CACNA1I: variants seen among roughly 807,000 people sequenced by gnomAD.
CACNA1I encodes voltage-dependent T-type calcium channel subunit alpha-1I.
CACNA1I carries 74 observed loss-of-function variants against 201.6 expected under a neutral mutation model. That is an observed-to-expected ratio of 0.37 (90% CI 0.30 to 0.45). CACNA1I has a LOEUF of 0.45. CACNA1I is among the 20% of genes least tolerant of loss of function. The pLI is 1.00. For missense variants in CACNA1I, 2,346 were observed against 3,138.1 expected (o/e 0.75, Z 6.03); for synonymous variants, 1,431 against 1,345.2 (o/e 1.06, Z -1.40).
At position 39,665,507 on chromosome 22, in the gene CACNA1I, C is replaced by T. The variant is rs1935159675; in HGVS notation, c.3861C>T (p.Ser1287=). The T allele has an allele frequency of 4.3e-6, 7 of 1,613,542 alleles. No homozygotes were observed. Among genetic ancestry groups the T allele is most frequent in the Admixed American group, 1.7e-5 (1 of 59,992 alleles). ...LRTLRPLRVI[S]RAPGLKLVVE... is the part of the protein sequence containing the mutation. ...CTCTCCCTGCCGTCAGTGTCATCAGCCGGGCGCCGGGCCTGAAGCTGGTGG... is the reference window on the plus strand; with the variant it reads ...CTCTCCCTGCCGTCAGTGTCATCAGTCGGGCGCCGGGCCTGAAGCTGGTGG... The change falls in exon 22 of 37, where the codon AGC becomes AGT. Residue 1287 remains serine, a synonymous_variant. Transcript: ENST00000402142. The surrounding 1 kb of genome is among the most constrained non-coding windows in gnomAD (Gnocchi z 5.5).
chr22:39,578,622 G>T (rs1286512956), intron 1 of CACNA1I, among the ~76,000 whole-genome samples: 1 of 151,754 alleles, frequency 6.6e-6, no homozygotes, highest in Non-Finnish European at 1.5e-5. Flanking sequence ...CTCCTTGGGG[G>T]TTTGTCTGCT....
At position 39,659,121 on chromosome 22, in the gene CACNA1I, G is replaced by C. The variant is rs1264411329; in HGVS notation, c.2330+5G>C. The C allele has an allele frequency of 6.2e-7, 1 of 1,611,796 alleles. No individual in the cohort carries two copies. The highest frequency in any genetic ancestry group is 1.7e-5 in the Admixed American group (1 of 59,806). ...GCTCTTCATCTTCATCTTCAGGTGA[G>C]CCTGCCCTGCTGGGGGCCATACCTC... is the stretch of plus-strand genomic sequence containing the variant. On this transcript the variant is annotated splice_donor_5th_base_variant and intron_variant, in intron 12 of 36. Coordinates refer to ENST00000402142, the MANE Select transcript of CACNA1I (RefSeq NM_021096.4). This position sits in a 1 kb window ranked among gnomAD's most constrained non-coding sequence, Gnocchi z 4.3.
At chr22:39,657,429 T>C (rs958128990) in intron 10 of CACNA1I, among the ~76,000 whole-genome samples, 2 of 152,126 alleles carry the variant, frequency 1.3e-5, no homozygotes, top group African/African-American at 4.8e-5. Flanking sequence ...GTGCCTGGCA[T>C]GCAGCAGGTA....
Position 39,679,336 on chromosome 22 carries a change from C to T in CACNA1I, c.5285C>T (p.Pro1762Leu), listed in dbSNP as rs59504308. ...ATGGCCCATGGCCTGGGCCCTGGCC[C>T]GAGGCTGCCTACCGGCTCCCCGGGC... ...LEMAHGLGPGPRLPTGSPGAP... is the reference protein window; with the variant it reads ...LEMAHGLGPGLRLPTGSPGAP... Residue 1762 changes from proline (P) to leucine (L), a missense_variant, in exon 32 of 37, where the codon CCG (proline) becomes CTG (leucine). By Grantham distance (98) the Pro-to-Leu change is moderately conservative. This residue lies in a region of CACNA1I where 441 missense variants were observed against 555.6 expected (regional missense o/e 0.79). Coordinates refer to ENST00000402142, the MANE Select transcript of CACNA1I (RefSeq NM_021096.4). 33,269 of 1,546,672 alleles carry T rather than the reference C, an allele frequency of 0.022. 448 individuals carry two copies. Among genetic ancestry groups the T allele is most frequent in the Non-Finnish European group, 0.025 (28,260 of 1,146,272 alleles).
At chr22:39,679,952 G>C in intron 33 of CACNA1I, 84 bp downstream of exon 33, 1 of 1,406,378 alleles carries the variant, frequency 7.1e-7, no homozygotes, top group Non-Finnish European at 9.7e-7. Context: ...GCAGAGCCTG[G>C]CTCTGGGCTG....
chr22:39,576,054 G>C (rs562535696), intron 1 of CACNA1I, among the ~76,000 whole-genome samples: 5 of 152,164 alleles, frequency 3.3e-5, no homozygotes, highest in African/African-American at 1.2e-4. Context: ...GGATTACAGG[G>C]GTGAGCCAAT....
intron 34 of CACNA1I, among the ~76,000 whole-genome samples, chr22:39,681,602 A>G (rs1935709667): frequency 6.6e-6 from 1 of 152,032 alleles, no homozygotes; most frequent in Non-Finnish European, 1.5e-5. Context: ...AAGCCACCCC[A>G]GGGGGTCAGT....
At chr22:39,671,455 A>G (rs946749561) in intron 26 of CACNA1I, among the ~76,000 whole-genome samples, 2 of 152,160 alleles carry the variant, frequency 1.3e-5, no homozygotes, top group Non-Finnish European at 2.9e-5. Context: ...AGCCTCCTTT[A>G]CTACCTGGGT....
At position 39,684,770 on chromosome 22, in the gene CACNA1I, C is replaced by T; in HGVS notation, c.6027+272C>T. ...TCTGGAAGAGGCCTGTGATCCCTAG[C>T]TTGAGGGGAGGGGAGGAGAGGAGGA... On this transcript the variant is annotated intron_variant, in intron 36 of 36. Transcript: ENST00000402142. This position sits in a 1 kb window ranked among gnomAD's most constrained non-coding sequence, Gnocchi z 4.6. 1.7e-6 allele frequency: 1 copy of T among 591,100 alleles called. No homozygotes were observed. The highest frequency in any genetic ancestry group is 2.8e-5 in the East Asian group (1 of 36,002). 36.6% of individuals were successfully genotyped at this position (591,100 alleles called of 1,614,324 possible).
At chr22:39,638,556 A>AT (rs1460061204) in intron 5 of CACNA1I, among the ~76,000 whole-genome samples, 4 of 151,812 alleles carry the variant, frequency 2.6e-5, no homozygotes, top group African/African-American at 9.7e-5. Context: ...TGATCTCATT[A>AT]TTTTTTGTTT....
chr22:39,662,201 G>A lies in CACNA1I; in HGVS notation c.3138G>A (p.Leu1046=), dbSNP rs1254968063. The A allele has an allele frequency of 1.4e-5, 21 of 1,528,948 alleles. No individual in the cohort carries two copies. Among genetic ancestry groups the A allele is most frequent in the East Asian group, 5.2e-5 (2 of 38,386 alleles). 94.7% of individuals were successfully genotyped at this position (1,528,948 alleles called of 1,614,324 possible). A position where few individuals can be genotyped will look rare whatever the true frequency, so the allele number is the denominator to read the frequency against. Residue 1046 remains leucine, a synonymous_variant, in exon 17 of 37, where the codon CTG becomes CTA. Transcript: ENST00000402142. ...HAHHIHHGPH[L]AHRHRHHRRT... is the part of the protein sequence containing the mutation. ...ACCACATTCATCACGGGCCCCATCT[G>A]GCGCACCGCCACCGCCACCACCGCC...
At chr22:39,668,598 A>AC (rs984708584) in intron 24 of CACNA1I, among the ~76,000 whole-genome samples, 5 of 150,014 alleles carry the variant, frequency 3.3e-5, no homozygotes, top group South Asian at 2.1e-4. Context: ...GCTTTGGCAA[A>AC]CCCCCCCACT....
intron 15 of CACNA1I, among the ~76,000 whole-genome samples, chr22:39,660,872 A>G (rs890740683): frequency 6.6e-6 from 1 of 152,048 alleles, no homozygotes; most frequent in Non-Finnish European, 1.5e-5. Context: ...GCTGGTTCTG[A>G]GCACAGAAGG....
intron 1 of CACNA1I, among the ~76,000 whole-genome samples, chr22:39,585,355 G>T (rs1238808289): frequency 6.7e-6 from 1 of 149,350 alleles, no homozygotes; most frequent in Non-Finnish European, 1.5e-5. Flanking sequence ...GAGCCACTGG[G>T]CCCGGGCTTT....
chr22:39,638,076 G>A (rs1217013233), intron 5 of CACNA1I, among the ~76,000 whole-genome samples: 1 of 152,270 alleles, frequency 6.6e-6, no homozygotes, highest in Admixed American at 6.5e-5. Context: ...TGGGATTACA[G>A]ACGCATGCCA....
At chr22:39,647,030 TC>T in intron 8 of CACNA1I, 149 bp downstream of exon 8, 1 of 1,277,444 alleles carries the variant, frequency 7.8e-7, no homozygotes, top group Non-Finnish European at 1.0e-6. Context: ...GGGACCTCTG[TC>T]CCCACCTCTG....
chr22:39,662,724 C>T lies in CACNA1I; in HGVS notation c.3373-52C>T, dbSNP rs2146451549. The T allele has an allele frequency of 7.6e-6, 10 of 1,324,324 alleles. No individual in the cohort carries two copies. In the South Asian group the frequency reaches 1.1e-4, roughly 15 times the overall value. The allele number at this position is 1,324,324 out of a possible 1,614,324, so 82.0% of individuals were successfully genotyped here. ...GGCGCGATGGCCGCATGGGCGGAGA[C>T]CGGCAACCCTGCGCATCGCTGACCC... is the stretch of plus-strand genomic sequence containing the variant. On this transcript the variant is annotated intron_variant, in intron 17 of 36. Coordinates refer to ENST00000402142, the MANE Select transcript of CACNA1I (RefSeq NM_021096.4).
chr22:39,625,731 T>C (rs1933881962), intron 4 of CACNA1I, among the ~76,000 whole-genome samples: 3 of 150,970 alleles, frequency 2.0e-5, no homozygotes, highest in Admixed American at 6.6e-5. Context: ...AAATTAGGAG[T>C]TGGGAGTCTG....
At chr22:39,682,916 G>A (rs1466640583) in intron 35 of CACNA1I, among the ~76,000 whole-genome samples, 2 of 152,246 alleles carry the variant, frequency 1.3e-5, no homozygotes, top group East Asian at 3.9e-4. Context: ...GAAGCTTCAT[G>A]CTGAGCTTCC....
Sources: allele counts gnomAD v4.1 joint callset (sites outside exome capture counted in the v4.1 genomes callset), GRCh38; gene constraint gnomAD v4.1.1; regional missense constraint gnomAD v4.1.1; non-coding constraint Gnocchi (gnomAD v3.1); transcripts MANE v1.5; gene names NCBI Gene and HGNC (gene_info 2026-07-23, HGNC 2026-07-21).